Variants in RGL1 observed in about 807,000 individuals in gnomAD.
RGL1 encodes ral guanine nucleotide dissociation stimulator like 1.
In RGL1, 24 loss-of-function variants were observed where a neutral mutation model predicts 95.2. The ratio of observed to expected loss-of-function variants is 0.25; its 90% CI spans 0.18 to 0.35. The LOEUF is 0.35. Ranked by LOEUF, RGL1 falls within the 10% of genes least tolerant of loss-of-function variation. The probability of loss-of-function intolerance (pLI) is 1.00; values close to 1 mark genes in which losing one functional copy is unlikely to be tolerated. For missense variants in RGL1, 715 were observed against 936.3 expected, an observed-to-expected ratio of 0.76 and a Z score of 3.08; for synonymous variants, 329 against 344.9, an observed-to-expected ratio of 0.95 and a Z score of 0.51.
At chr1:183,915,998 C>T (rs1347381288) in intron 15 of RGL1, among the ~76,000 whole-genome samples, 5 of 152,196 alleles carry the variant, frequency 3.3e-5, no homozygotes, top group African/African-American at 1.2e-4. Context: ...ATCTGGGGTA[C>T]TTCTCTTAGA....
At chr1:183,868,914 A>G (rs1402929473) in intron 4 of RGL1, among the ~76,000 whole-genome samples, 1 of 152,198 alleles carries the variant, frequency 6.6e-6, no homozygotes, top group East Asian at 1.9e-4. Context: ...CAGGAGCTCA[A>G]AACCAGCCTG....
At chr1:183,735,337 A>G (rs1046028723) in intron 1 of RGL1, among the ~76,000 whole-genome samples, 1 of 152,202 alleles carries the variant, frequency 6.6e-6, no homozygotes, top group Non-Finnish European at 1.5e-5. Flanking sequence ...CCAATGATTG[A>G]CATTTATTCC....
intron 1 of RGL1, among the ~76,000 whole-genome samples, chr1:183,690,367 T>C (rs1653868574): frequency 6.6e-6 from 1 of 152,166 alleles, no homozygotes; most frequent in African/African-American, 2.4e-5. Flanking sequence ...CGTTTTGTAG[T>C]TGTAATCACG....
intron 2 of RGL1, among the ~76,000 whole-genome samples, chr1:183,835,814 T>A (rs147469693): frequency 0.013 from 2,036 of 152,288 alleles, 35 homozygotes; most frequent in African/African-American, 0.045. Flanking sequence ...ATGCCTTAGA[T>A]CTATTATCTA....
intron 13 of RGL1, 53 bp from the exon 14 acceptor site, chr1:183,906,959 G>T (rs1668365660): frequency 2.1e-6 from 2 of 967,054 alleles, no homozygotes; most frequent in African/African-American, 1.6e-5. Flanking sequence ...GAATTTAAGT[G>T]TGTTTTTCAA....
chr1:183,704,884 C>T (rs1654809056), intron 1 of RGL1, among the ~76,000 whole-genome samples: 2 of 152,238 alleles, frequency 1.3e-5, no homozygotes, highest in Admixed American at 1.3e-4. Context: ...TGCTTGGAGG[C>T]AGGCAGGCCA....
chr1:183,858,419 T>C (rs1247002076), intron 3 of RGL1, among the ~76,000 whole-genome samples: 1 of 152,146 alleles, frequency 6.6e-6, no homozygotes, highest in African/African-American at 2.4e-5. Context: ...CTAGGCAAAG[T>C]GTCCCTAGCG....
chr1:183,861,701 G>T (rs773333355), intron 3 of RGL1, among the ~76,000 whole-genome samples: 35 of 152,314 alleles, frequency 2.3e-4, no homozygotes, highest in Middle Eastern at 3.4e-3. Flanking sequence ...TTGGTCATTG[G>T]TAAGCCTTCT....
intron 2 of RGL1, among the ~76,000 whole-genome samples, chr1:183,798,103 T>C (rs946306331): frequency 1.3e-5 from 2 of 152,216 alleles, no homozygotes; most frequent in Admixed American, 1.3e-4. Context: ...TATAGGTAAG[T>C]AGAGGCAATT....
In RGL1 at chr1:183,668,935, C is replaced by CTTTTTTTTTTTTTTTTTTTTTTTT. The variant is rs551008973; in HGVS notation, c.-33+32438_-33+32439insTTTTTTTTTTTTTTTTTTTTTTTT. Among the ~76,000 whole-genome samples, 2 of 115,556 alleles carry CTTTTTTTTTTTTTTTTTTTTTTTT rather than the reference C, an allele frequency of 1.7e-5. 1 individual carries two copies. Among genetic ancestry groups the CTTTTTTTTTTTTTTTTTTTTTTTT allele is most frequent in the Non-Finnish European group, 3.6e-5 (2 of 55,460 alleles). The allele number at this position is 115,556 out of a possible 152,430, so 75.8% of individuals were successfully genotyped here. On this transcript the variant is annotated intron_variant, in intron 1 of 18. Coordinates refer to the RGL1 transcript ENST00000304685. ...CTTTTTGCTTTTGGTATTGGACTTT[C>CTTTTTTTTTTTTTTTTTTTTTTTT]TTTTCTTTTTTTTTTTTTTTGAGAT... is the stretch of plus-strand genomic sequence containing the variant.
chr1:183,705,146 G>A (rs959698207), intron 1 of RGL1, among the ~76,000 whole-genome samples: 3 of 152,098 alleles, frequency 2.0e-5, no homozygotes, highest in African/African-American at 7.2e-5. Context: ...TTGGTATAAC[G>A]GTTTGGTGAG....
intron 1 of RGL1, among the ~76,000 whole-genome samples, chr1:183,694,650 G>A (rs1375022393): frequency 1.3e-5 from 2 of 152,196 alleles, no homozygotes; most frequent in East Asian, 1.9e-4. Context: ...TGTGATTGGA[G>A]TTTACCATCT....
chr1:183,735,630 G>T (rs1422936162), intron 1 of RGL1, among the ~76,000 whole-genome samples: 5 of 152,110 alleles, frequency 3.3e-5, no homozygotes, highest in Non-Finnish European at 7.4e-5. Context: ...GAGATAATAG[G>T]AATCTGTTGC....
intron 1 of RGL1, among the ~76,000 whole-genome samples, chr1:183,738,674 G>T (rs527468154): frequency 6.6e-6 from 1 of 152,294 alleles, no homozygotes; most frequent in South Asian, 2.1e-4. Flanking sequence ...GCTGAGGCAG[G>T]TGGATAATTT....
At chr1:183,860,545 T>C (rs1463679388) in intron 3 of RGL1, among the ~76,000 whole-genome samples, 1 of 152,078 alleles carries the variant, frequency 6.6e-6, no homozygotes, top group Non-Finnish European at 1.5e-5. Flanking sequence ...TTGCATTGGC[T>C]CTTTGGACTG....
chr1:183,796,164 ATTTTT>A (rs566005120), intron 2 of RGL1, among the ~76,000 whole-genome samples: 1 of 128,082 alleles, frequency 7.8e-6, no homozygotes. Flanking sequence ...TTGTATTCCT[ATTTTT>A]TTTTTTTTTT....
Position 183,809,604 on chromosome 1 carries a change from A to G in RGL1, c.138+3119A>G, listed in dbSNP as rs185246308. Among the ~76,000 whole-genome samples the G allele has an allele frequency of 3.3e-5, 5 of 152,324 alleles. No individual in the cohort carries two copies. The East Asian group carries it at 7.7e-4, about 23-fold the overall frequency. On this transcript the variant is annotated intron_variant, in intron 2 of 17. Coordinates refer to ENST00000360851, the MANE Select transcript of RGL1 (RefSeq NM_001297671.3). ...TAATTCTCGAAGAAAAATGACTTCAATTATGTCACAAAATTTAAAAAATCT... is the reference window on the plus strand; with the variant it reads ...TAATTCTCGAAGAAAAATGACTTCAGTTATGTCACAAAATTTAAAAAATCT...
chr1:183,840,118 C>T (rs1378844967), intron 2 of RGL1, among the ~76,000 whole-genome samples: 1 of 152,196 alleles, frequency 6.6e-6, no homozygotes. Context: ...TTCCTGGCCA[C>T]TCTTTGTAGT....
chr1:183,912,491 A>G (rs1668706678), intron 15 of RGL1, among the ~76,000 whole-genome samples: 1 of 152,196 alleles, frequency 6.6e-6, no homozygotes, highest in African/African-American at 2.4e-5. Context: ...CCTTTGAAAT[A>G]TTGTTCTATA....
Sources: allele counts gnomAD v4.1 joint callset (sites outside exome capture counted in the v4.1 genomes callset), GRCh38; gene constraint gnomAD v4.1.1; transcripts MANE v1.5; gene names NCBI Gene and HGNC (gene_info 2026-07-23, HGNC 2026-07-21).